PDE6D: variants seen among roughly 807,000 people sequenced by gnomAD.
PDE6D encodes retinal rod rhodopsin-sensitive cGMP 3',5'-cyclic phosphodiesterase subunit delta.
A neutral mutation model predicts 21.9 loss-of-function variants in PDE6D; 10 were observed. That is an observed-to-expected ratio of 0.46 (90% confidence interval 0.28 to 0.78). PDE6D has a LOEUF of 0.78. PDE6D is among the 30% of genes least tolerant of loss of function. The pLI is 0.12. For synonymous variants in PDE6D, 59 were observed against 63.5 expected (o/e 0.93, Z 0.34); for missense variants, 139 against 184.8 (o/e 0.75, Z 1.44).
At chr2:231,773,971 T>C (rs1031974300) in intron 1 of PDE6D, among the ~76,000 whole-genome samples, 7 of 152,262 alleles carry the variant, frequency 4.6e-5, no homozygotes, top group Middle Eastern at 3.4e-3. Flanking sequence ...TCTCACTCTG[T>C]TACCCAGGCT....
rs369770137 is a variant in PDE6D at position 231,753,582 on chromosome 2, T to C, written c.51-14394A>G. ...AATAAAATAAATAAATAAAAATAAA[T>C]AAACAAACAAATAAAAATAAATAAA... On this transcript the variant is annotated intron_variant, in intron 1 of 4. Coordinates refer to ENST00000287600, the MANE Select transcript of PDE6D (RefSeq NM_002601.4). Among the ~76,000 whole-genome samples the C allele has an allele frequency of 4.0e-5, 6 of 150,068 alleles. No homozygotes were observed. In the East Asian group the frequency reaches 5.9e-4, roughly 15 times the overall value.
intron 1 of PDE6D, among the ~76,000 whole-genome samples, chr2:231,760,249 T>C (rs578160905): frequency 6.6e-6 from 1 of 152,302 alleles, no homozygotes; most frequent in East Asian, 1.9e-4. Flanking sequence ...GTGTTACACA[T>C]CGCTTAGGTA....
At chr2:231,780,945 C>A in intron 1 of PDE6D, 120 bp downstream of exon 1, 7 of 895,152 alleles carry the variant, frequency 7.8e-6, no homozygotes. Flanking sequence ...CTTTCCTCTC[C>A]CCTCCCGCGG....
At chr2:231,747,373 G>A (rs763214048) in intron 1 of PDE6D, among the ~76,000 whole-genome samples, 4 of 152,226 alleles carry the variant, frequency 2.6e-5, no homozygotes, top group African/African-American at 4.8e-5. Flanking sequence ...TTACAGGCGT[G>A]AGCCACCACA....
At chr2:231,746,111 C>T (rs2048791639) in intron 1 of PDE6D, among the ~76,000 whole-genome samples, 2 of 152,076 alleles carry the variant, frequency 1.3e-5, no homozygotes, top group African/African-American at 2.4e-5. Flanking sequence ...CATCAGCTAT[C>T]GTCAGTGTAT....
chr2:231,761,792 T>C (rs2048931876), intron 1 of PDE6D, among the ~76,000 whole-genome samples: 1 of 152,236 alleles, frequency 6.6e-6, no homozygotes, highest in African/African-American at 2.4e-5. Context: ...TTAATACTCA[T>C]ACCCACATAA....
intron 1 of PDE6D, among the ~76,000 whole-genome samples, chr2:231,742,191 G>A (rs2048754932): frequency 6.6e-6 from 1 of 151,498 alleles, no homozygotes; most frequent in Middle Eastern, 3.4e-3. Flanking sequence ...GCATGATCTT[G>A]GCTCACTGCA....
At chr2:231,733,704 C>T (rs2048670359) in intron 4 of PDE6D, among the ~76,000 whole-genome samples, 1 of 152,290 alleles carries the variant, frequency 6.6e-6, no homozygotes, top group East Asian at 1.9e-4. Flanking sequence ...CCCAGCTCTC[C>T]CCCTTAGTCT....
rs1030531605 is a variant in PDE6D, at chr2:231,781,076, C to T, written c.39G>A (p.Arg13=). 3.3e-5 allele frequency: 54 copies of T among 1,613,340 alleles called. No individual in the cohort carries two copies. The highest frequency in any genetic ancestry group is 8.0e-5 in the African/African-American group (6 of 74,926). Residue 13 remains arginine, a synonymous_variant, in exon 1 of 5, where the codon AGG becomes AGA. Transcript: ENST00000287600. The part of the protein sequence containing the change: ...AKDERAREIL[R]GFKLNWMNLR... ...TCCCGGACGGATACAGTTTGAAGCC[C>T]CTCAGGATCTCCCTGGCCCGCTCGT...
intron 1 of PDE6D, among the ~76,000 whole-genome samples, chr2:231,751,122 C>CCTT (rs1559319154): frequency 8.8e-5 from 6 of 68,266 alleles, no homozygotes; most frequent in Non-Finnish European, 1.9e-4. Flanking sequence ...CTATTCTAGT[C>CCTT]TTTTTTTTTT....
intron 4 of PDE6D, among the ~76,000 whole-genome samples, chr2:231,734,859 A>AAC (rs1452492560): frequency 1.8e-5 from 2 of 110,564 alleles, no homozygotes; most frequent in African/African-American, 4.3e-5. Flanking sequence ...AAAAAAAAAC[A>AAC]AAAAAAAAAA....
chr2:231,753,115 G>A (rs777377162), intron 1 of PDE6D, among the ~76,000 whole-genome samples: 18 of 150,926 alleles, frequency 1.2e-4, no homozygotes, highest in Non-Finnish European at 2.1e-4. Flanking sequence ...ACAGGAGTGA[G>A]CCACCGCACC....
At chr2:231,751,035 A>G (rs533492488) in intron 1 of PDE6D, among the ~76,000 whole-genome samples, 1 of 152,284 alleles carries the variant, frequency 6.6e-6, no homozygotes, top group Admixed American at 6.5e-5. Flanking sequence ...CTCATTACCA[A>G]TCTAGGGATG....
At chr2:231,756,857 CTATG>C (rs907998652) in intron 1 of PDE6D, among the ~76,000 whole-genome samples, 2 of 148,080 alleles carry the variant, frequency 1.4e-5, no homozygotes, top group African/African-American at 5.0e-5. Context: ...AAGTCAAGCT[CTATG>C]TGTTAGGTTT....
intron 1 of PDE6D, among the ~76,000 whole-genome samples, chr2:231,773,055 T>G (rs73086900): frequency 0.079 from 11,970 of 152,118 alleles, 529 homozygotes; most frequent in African/African-American, 0.11. Context: ...CTGGGCAACA[T>G]AGTGAAACCG....
At chr2:231,765,438 T>A (rs1263050457) in intron 1 of PDE6D, among the ~76,000 whole-genome samples, 2 of 152,142 alleles carry the variant, frequency 1.3e-5, no homozygotes, top group Non-Finnish European at 2.9e-5. Context: ...TATATTAGAA[T>A]TTAAAAGCCC....
chr2:231,733,126 G>C, intron 4 of PDE6D, 93 bp from the exon 5 acceptor site: 3 of 856,210 alleles, frequency 3.5e-6, no homozygotes, highest in Non-Finnish European at 6.0e-6. Flanking sequence ...CTGGATTCCT[G>C]GGCCAATGGA....
chr2:231,741,115 A>G (rs1197616845), intron 1 of PDE6D, among the ~76,000 whole-genome samples: 1 of 57,392 alleles, frequency 1.7e-5, no homozygotes, highest in Non-Finnish European at 2.8e-5. Context: ...CCCTGTCTCA[A>G]AAAAAAAAAA....
At chr2:231,778,197 C>T (rs1243455680) in intron 1 of PDE6D, among the ~76,000 whole-genome samples, 2 of 152,104 alleles carry the variant, frequency 1.3e-5, no homozygotes, top group African/African-American at 2.4e-5. Flanking sequence ...ACCTGGGAGG[C>T]GGAGGTTGCA....
Sources: allele counts gnomAD v4.1 joint callset (sites outside exome capture counted in the v4.1 genomes callset), GRCh38; gene constraint gnomAD v4.1.1; transcripts MANE v1.5; gene names NCBI Gene and HGNC (gene_info 2026-07-23, HGNC 2026-07-21).